SYT17: variants seen among roughly 807,000 people sequenced by gnomAD.
SYT17 encodes synaptotagmin-17.
In SYT17, 22 loss-of-function variants were observed where a neutral mutation model predicts 46.7. The ratio of observed to expected loss-of-function variants is 0.47; its 90% CI spans 0.34 to 0.67. The LOEUF (loss-of-function observed/expected upper bound fraction) is 0.67. SYT17 is among the 30% of genes least tolerant of loss of function. The pLI is 0.01. For missense variants in SYT17, 519 were observed against 612.8 expected (o/e 0.85, Z 1.62); for synonymous variants, 251 against 248.4 (o/e 1.01, Z -0.10).
Position 19,168,507 on chromosome 16 carries a change from G to C in SYT17, c.-140G>C, listed in dbSNP as rs1963952056. The C allele has an allele frequency of 8.1e-7, 1 of 1,229,308 alleles. No individual in the cohort carries two copies. Among genetic ancestry groups the C allele is most frequent in the African/African-American group, 1.6e-5 (1 of 63,740 alleles). The allele number at this position is 1,229,308 out of a possible 1,614,324, so 76.2% of individuals were successfully genotyped here. ...GCGGAGGGGCGGGCGCCGCTCATCAGCCACGCCAGTCACGTCTGGGGCCAC... is the reference window on the plus strand; with the variant it reads ...GCGGAGGGGCGGGCGCCGCTCATCACCCACGCCAGTCACGTCTGGGGCCAC... On this transcript the variant is annotated 5_prime_UTR_variant, in exon 1 of 8. Transcript: ENST00000355377. The surrounding 1 kb of genome is among the most constrained non-coding windows in gnomAD (Gnocchi z 6.9).
At chr16:19,221,027 T>TA (rs932317377) in intron 5 of SYT17, among the ~76,000 whole-genome samples, 90 of 140,880 alleles carry the variant, frequency 6.4e-4, no homozygotes, top group East Asian at 1.2e-3. Context: ...CCTCAACTCT[T>TA]AAAAAAAAAA....
At chr16:19,196,080 G>A (rs1384221334) in intron 5 of SYT17, among the ~76,000 whole-genome samples, 1 of 152,236 alleles carries the variant, frequency 6.6e-6, no homozygotes, top group African/African-American at 2.4e-5. Flanking sequence ...CCAGGTGCCA[G>A]AAGGTCACAG....
chr16:19,197,678 G>A (rs1294606456), intron 5 of SYT17, among the ~76,000 whole-genome samples: 1 of 152,026 alleles, frequency 6.6e-6, no homozygotes, highest in East Asian at 1.9e-4. Flanking sequence ...CACCTGCCTT[G>A]GTCTCCCAAA....
chr16:19,171,263 T>C (rs1964071684), intron 1 of SYT17: 1 of 154,572 alleles, frequency 6.5e-6, no homozygotes, highest in African/African-American at 2.4e-5. Flanking sequence ...ATTTCAATTT[T>C]TTCACAAGCC....
At chr16:19,220,303 C>CTTTT (rs1555459738) in intron 5 of SYT17, among the ~76,000 whole-genome samples, 7 of 80,512 alleles carry the variant, frequency 8.7e-5, no homozygotes, top group Admixed American at 1.7e-4. Context: ...TTCTTTCTTT[C>CTTTT]TTTTTTTTTT....
At chr16:19,242,018 G>T (rs1291123075) in intron 7 of SYT17, among the ~76,000 whole-genome samples, 1 of 152,160 alleles carries the variant, frequency 6.6e-6, no homozygotes, top group Non-Finnish European at 1.5e-5. Flanking sequence ...CAATAGGGTG[G>T]GAAGTAGCTT....
chr16:19,229,210 C>T (rs866087558), intron 7 of SYT17, among the ~76,000 whole-genome samples: 1 of 152,128 alleles, frequency 6.6e-6, no homozygotes, highest in Non-Finnish European at 1.5e-5. Context: ...CGTATTAGTC[C>T]GTTCTCGCAT....
intron 3 of SYT17, among the ~76,000 whole-genome samples, chr16:19,179,888 C>G (rs1248684822): frequency 6.6e-6 from 1 of 152,168 alleles, no homozygotes; most frequent in Non-Finnish European, 1.5e-5. Flanking sequence ...ATTTTCAGGG[C>G]CATTTCTGCC....
chr16:19,197,155 C>G (rs992649686), intron 5 of SYT17, among the ~76,000 whole-genome samples: 1 of 152,162 alleles, frequency 6.6e-6, no homozygotes, highest in African/African-American at 2.4e-5. Flanking sequence ...GAGTCCTGGC[C>G]TTTGTGTGTA....
chr16:19,177,978 C>G (rs1198699673), intron 3 of SYT17, among the ~76,000 whole-genome samples: 1 of 152,154 alleles, frequency 6.6e-6, no homozygotes. Flanking sequence ...GGGGTTCTGC[C>G]TTTTAACAGT....
chr16:19,174,959 T>A (rs572129076), intron 3 of SYT17, among the ~76,000 whole-genome samples: 1 of 151,838 alleles, frequency 6.6e-6, no homozygotes, highest in South Asian at 2.1e-4. Context: ...CCATGCCCCA[T>A]CTCGACAAAA....
intron 5 of SYT17, among the ~76,000 whole-genome samples, chr16:19,218,395 G>A (rs1187113797): frequency 1.3e-5 from 2 of 152,180 alleles, no homozygotes; most frequent in Non-Finnish European, 2.9e-5. Context: ...CCGGATCAAT[G>A]GGAATGGTTC....
At chr16:19,235,389 T>C (rs180930763) in intron 7 of SYT17, among the ~76,000 whole-genome samples, 2 of 152,134 alleles carry the variant, frequency 1.3e-5, no homozygotes, top group East Asian at 3.9e-4. Flanking sequence ...TGAACTGACA[T>C]CAAAATAACA....
At chr16:19,241,133 G>C (rs1260311975) in intron 7 of SYT17, among the ~76,000 whole-genome samples, 1 of 151,446 alleles carries the variant, frequency 6.6e-6, no homozygotes, top group African/African-American at 2.4e-5. Flanking sequence ...ATTTTTAGTA[G>C]AGACGGGGTT....
intron 7 of SYT17, among the ~76,000 whole-genome samples, chr16:19,233,480 A>G (rs1966778304): frequency 6.8e-6 from 1 of 146,272 alleles, no homozygotes; most frequent in Non-Finnish European, 1.5e-5. Flanking sequence ...GCATAATCCC[A>G]TTTCTAAAAA....
At chr16:19,265,927 T>C (rs934335125) in intron 7 of SYT17, among the ~76,000 whole-genome samples, 5 of 152,168 alleles carry the variant, frequency 3.3e-5, no homozygotes, top group African/African-American at 1.2e-4. Flanking sequence ...ATTTCCAGCA[T>C]TTGATGGAAC....
At chr16:19,197,142 G>A (rs567593858) in intron 5 of SYT17, among the ~76,000 whole-genome samples, 60 of 152,314 alleles carry the variant, frequency 3.9e-4, no homozygotes, top group Admixed American at 2.7e-3. Context: ...GACCCTCTCC[G>A]TAGAGTCCTG....
intron 7 of SYT17, among the ~76,000 whole-genome samples, chr16:19,240,621 C>T (rs2352987): frequency 0.088 from 13,458 of 152,264 alleles, 1,159 homozygotes; most frequent in East Asian, 0.21. Flanking sequence ...CTCTGGTCCA[C>T]GGGACTGGCG....
chr16:19,187,975 A>G (rs1490732562), intron 5 of SYT17, among the ~76,000 whole-genome samples: 3 of 152,208 alleles, frequency 2.0e-5, no homozygotes, highest in Admixed American at 6.5e-5. Flanking sequence ...CAGCAATCTC[A>G]TTACTGGGCA....
Sources: gnomAD v4.1 joint callset for allele counts (sites outside exome capture counted in the v4.1 genomes callset) on GRCh38, gnomAD v4.1.1 for gene constraint, Gnocchi (gnomAD v3.1) non-coding constraint, MANE v1.5 for transcripts, NCBI Gene and HGNC (gene_info 2026-07-23, HGNC 2026-07-21) for gene names.